Variants in EMCN observed in about 807,000 individuals in gnomAD.
The protein encoded by EMCN is MUC-14.
EMCN carries 37 observed loss-of-function variants against 38.4 expected under a neutral mutation model. The ratio of observed to expected loss-of-function variants is 0.96; its 90% CI spans 0.74 to 1.27. The LOEUF is 1.27. EMCN is among the 50% of genes most tolerant of loss of function. The probability of loss-of-function intolerance (pLI) is 0.00; values close to 1 mark genes in which losing one functional copy is unlikely to be tolerated. For missense variants in EMCN, 318 were observed against 302.8 expected (o/e 1.05, Z -0.37); for synonymous variants, 95 against 100.8 (o/e 0.94, Z 0.35).
chr4:100,483,660 G>C (rs1297354859), intron 1 of EMCN, among the ~76,000 whole-genome samples: 2 of 152,084 alleles, frequency 1.3e-5, no homozygotes, highest in Non-Finnish European at 2.9e-5. Context: ...TTTTCATTTA[G>C]AAAAATTTTG....
chr4:100,473,011 A>T (rs1578216655), intron 3 of EMCN, among the ~76,000 whole-genome samples: 1 of 66,794 alleles, frequency 1.5e-5, no homozygotes. Context: ...TATATATATT[A>T]TATATATATA....
intron 1 of EMCN, among the ~76,000 whole-genome samples, chr4:100,505,406 G>C (rs1389931082): frequency 6.6e-6 from 1 of 152,088 alleles, no homozygotes; most frequent in African/African-American, 2.4e-5. Flanking sequence ...TTTCCTGTGG[G>C]CCAAATAAAA....
chr4:100,409,363 T>G (rs912078987), intron 11 of EMCN, among the ~76,000 whole-genome samples: 1 of 152,170 alleles, frequency 6.6e-6, no homozygotes, highest in African/African-American at 2.4e-5. Context: ...ATTTCCTTAC[T>G]TAGTTCTAGG....
At chr4:100,412,165 G>T (rs1033558297) in intron 10 of EMCN, among the ~76,000 whole-genome samples, 9 of 152,160 alleles carry the variant, frequency 5.9e-5, no homozygotes, top group Non-Finnish European at 1.2e-4. Context: ...CAGAGAGAGA[G>T]ACAGTCAGGG....
Position 100,397,814 on chromosome 4 carries a change from T to C in EMCN, c.*599A>G, listed in dbSNP as rs1726154553. The C allele has an allele frequency of 1.3e-5, 2 of 152,110 alleles. No individual in the cohort carries two copies. The highest frequency in any genetic ancestry group is 2.4e-5 in the African/African-American group (1 of 41,444). The allele number at this position is 152,110 out of a possible 1,614,324, so 9.4% of individuals were successfully genotyped here. On this transcript the variant is annotated 3_prime_UTR_variant, in exon 12 of 12. Transcript: ENST00000296420. ...AATAACATTGCCATTTTCACAGTCATGTTATAGTATTTTTAGAGTATTGAG... is the reference window on the plus strand; with the variant it reads ...AATAACATTGCCATTTTCACAGTCACGTTATAGTATTTTTAGAGTATTGAG...
chr4:100,444,510 G>T (rs892328202), intron 5 of EMCN, among the ~76,000 whole-genome samples: 32 of 152,120 alleles, frequency 2.1e-4, no homozygotes, highest in Admixed American at 1.0e-3. Flanking sequence ...GACTGCTCTG[G>T]TGTGCAGAAG....
rs188780210 is a variant in EMCN, at chr4:100,401,775, T to C, written c.*40-3402A>G. On this transcript the variant is annotated intron_variant, in intron 11 of 11. Transcript: ENST00000296420. ...GGACTTTGATCCAAGCTACCGGACTTTCTAACACCACAGTTCTTCACTGGT... is the reference window on the plus strand; with the variant it reads ...GGACTTTGATCCAAGCTACCGGACTCTCTAACACCACAGTTCTTCACTGGT... Among the ~76,000 whole-genome samples, 255 of 152,194 alleles carry C rather than the reference T, an allele frequency of 1.7e-3. 1 individual carries two copies. Among genetic ancestry groups the C allele is most frequent in the Admixed American group, 0.015 (233 of 15,268 alleles).
intron 4 of EMCN, among the ~76,000 whole-genome samples, chr4:100,456,228 A>G (rs1220261013): frequency 6.6e-6 from 1 of 151,940 alleles, no homozygotes; most frequent in Non-Finnish European, 1.5e-5. Flanking sequence ...TTTCTCTCCA[A>G]CTTATCTAGT....
chr4:100,463,264 T>C (rs1396892556), intron 4 of EMCN, among the ~76,000 whole-genome samples: 2 of 152,136 alleles, frequency 1.3e-5, no homozygotes, highest in African/African-American at 4.8e-5. Context: ...ATACTCTCCA[T>C]TCTTTTCTGT....
chr4:100,420,478 C>T lies in EMCN; in HGVS notation c.664+804G>A, dbSNP rs115968288. On this transcript the variant is annotated intron_variant, in intron 8 of 11. Coordinates refer to ENST00000296420, the MANE Select transcript of EMCN (RefSeq NM_016242.4). ...CATGGATACATGCTACTACATTATA[C>T]GACCAGGGCTGGGCTGTGAAGTGGA... Among the ~76,000 whole-genome samples, 150 of 151,968 alleles carry T rather than the reference C, an allele frequency of 9.9e-4. 1 individual carries two copies. The Middle Eastern group carries it at 0.017, about 17-fold the overall frequency.
intron 5 of EMCN, among the ~76,000 whole-genome samples, chr4:100,433,000 T>A (rs1278541679): frequency 1.3e-5 from 2 of 152,172 alleles, no homozygotes; most frequent in Non-Finnish European, 2.9e-5. Context: ...GGAAATCTAC[T>A]CATTTAGCAT....
chr4:100,497,534 G>A (rs1729241180), intron 1 of EMCN, among the ~76,000 whole-genome samples: 1 of 151,964 alleles, frequency 6.6e-6, no homozygotes, highest in Admixed American at 6.6e-5. Context: ...CCACCACCAC[G>A]CCTGGCTAAT....
At chr4:100,515,835 AAAACAAAC>A (rs372660405) in intron 1 of EMCN, among the ~76,000 whole-genome samples, 3 of 151,930 alleles carry the variant, frequency 2.0e-5, no homozygotes, top group South Asian at 2.1e-4. Context: ...CCAATCTGCA[AAAACAAAC>A]AAACAAACAA....
intron 3 of EMCN, 37 bp from the exon 4 acceptor site, chr4:100,465,576 A>C (rs143784079): frequency 9.1e-7 from 1 of 1,094,282 alleles, no homozygotes; most frequent in African/African-American, 1.6e-5. Flanking sequence ...GAGTATAACA[A>C]ATCACCAGAT....
At chr4:100,415,854 TA>T in intron 10 of EMCN, 43 bp downstream of exon 10, 1 of 1,348,998 alleles carries the variant, frequency 7.4e-7, no homozygotes, top group Non-Finnish European at 1.0e-6. Flanking sequence ...AGTTAGATTC[TA>T]AAATAACTAA....
At chr4:100,471,192 C>T (rs1384263487) in intron 3 of EMCN, among the ~76,000 whole-genome samples, 1 of 151,712 alleles carries the variant, frequency 6.6e-6, no homozygotes, top group East Asian at 1.9e-4. Context: ...AATTGAGACA[C>T]TTTTGGCTAT....
Position 100,517,861 on chromosome 4 carries a change from A to G in EMCN, c.54T>C (p.Ser18=). 6.2e-7 allele frequency: 1 copy of G among 1,612,708 alleles called. No homozygotes were observed. ...AAGAGACAAAAATACCTGTGCTGTTACTGCTGCAAATACTGGGCAGAAGAA... is the reference window on the plus strand; with the variant it reads ...AAGAGACAAAAATACCTGTGCTGTTGCTGCTGCAAATACTGGGCAGAAGAA... ...ILFLLPSICS[S]NSTGVLEAAN... The change falls in exon 1 of 12, where the codon AGT becomes AGC. Residue 18 remains serine (S), a synonymous_variant. Coordinates refer to ENST00000296420, the MANE Select transcript of EMCN (RefSeq NM_016242.4).
intron 1 of EMCN, among the ~76,000 whole-genome samples, chr4:100,502,594 T>C (rs1729378674): frequency 6.6e-6 from 1 of 152,244 alleles, no homozygotes; most frequent in Non-Finnish European, 1.5e-5. Flanking sequence ...TTTCATGTTT[T>C]ACAGCATTAG....
rs138017430 is a variant in EMCN, at chr4:100,396,807, G to A, written c.*1606C>T. The A allele has an allele frequency of 1.3e-5, 2 of 150,978 alleles. No homozygotes were observed. The highest frequency in any genetic ancestry group is 3.0e-5 in the Non-Finnish European group (2 of 67,782). 9.4% of individuals were successfully genotyped at this position (150,978 alleles called of 1,614,324 possible). A position where few individuals can be genotyped will look rare whatever the true frequency, so the allele number is the denominator to read the frequency against. ...TTCTGAAGACAAATGCTCTCTGATT[G>A]GCATGCTCCAGTCACTGTCTCACCA... On this transcript the variant is annotated 3_prime_UTR_variant, in exon 12 of 12. Coordinates refer to ENST00000296420, the MANE Select transcript of EMCN (RefSeq NM_016242.4).
Sources: gnomAD v4.1 joint callset for allele counts (sites outside exome capture counted in the v4.1 genomes callset) on GRCh38, gnomAD v4.1.1 for gene constraint, MANE v1.5 for transcripts, NCBI Gene and HGNC (gene_info 2026-07-23, HGNC 2026-07-21) for gene names.